The following XKR4 variants were observed in gnomAD, a reference collection of about 807,000 sequenced individuals.
XKR4 encodes XK related 4, also known as XK-related protein 4.
XKR4 carries 12 observed loss-of-function variants against 53.9 expected under a neutral mutation model. The ratio of observed to expected loss-of-function variants is 0.22; its 90% CI spans 0.14 to 0.36. The LOEUF (loss-of-function observed/expected upper bound fraction) is 0.36. XKR4 is among the 10% of genes least tolerant of loss of function. The probability of loss-of-function intolerance (pLI) is 1.00; values close to 1 mark genes in which losing one functional copy is unlikely to be tolerated. For synonymous variants in XKR4, 354 were observed against 362.4 expected, an observed-to-expected ratio of 0.98 and a Z score of 0.26; for missense variants, 799 against 859.5, an observed-to-expected ratio of 0.93 and a Z score of 0.88.
Position 55,102,331 on chromosome 8 carries a change from G to GCGGCGGCGGA in XKR4, c.-153_-144dup, listed in dbSNP as rs1007706998. On this transcript the variant is annotated 5_prime_UTR_variant, in exon 1 of 3. Coordinates refer to ENST00000327381, the MANE Select transcript of XKR4 (RefSeq NM_052898.2). This position sits in a 1 kb window ranked among gnomAD's most constrained non-coding sequence, Gnocchi z 5.1. The stretch of plus-strand genomic sequence containing the variant: ...CAGCGCCCAGCCCGGCGGGCGGCGG[G>GCGGCGGCGGA]CGGCGGCGGACGGCAGGCGAGCCGA... 6.9e-6 allele frequency: 7 copies of GCGGCGGCGGA among 1,008,320 alleles called. No individual in the cohort carries two copies. In the African/African-American group the frequency reaches 1.2e-4, roughly 18 times the overall value. 62.5% of individuals were successfully genotyped at this position (1,008,320 alleles called of 1,614,324 possible).
At chr8:55,434,110 A>G (rs1397702320) in intron 2 of XKR4, among the ~76,000 whole-genome samples, 2 of 152,202 alleles carry the variant, frequency 1.3e-5, no homozygotes, top group Non-Finnish European at 2.9e-5. Flanking sequence ...TTTATTTTTA[A>G]AAGTTTACTT....
At chr8:55,454,728 C>G in intron 2 of XKR4, 1 of 811,770 alleles carries the variant, frequency 1.2e-6, no homozygotes, top group Non-Finnish European at 2.2e-6. Context: ...CGAGGCTGTT[C>G]CTGAACACCT....
intron 2 of XKR4, among the ~76,000 whole-genome samples, chr8:55,361,912 G>C (rs1803914485): frequency 2.6e-5 from 4 of 152,108 alleles, no homozygotes; most frequent in Admixed American, 2.6e-4. Context: ...AACCTCCTCA[G>C]AGTATCCGGT....
intron 1 of XKR4, among the ~76,000 whole-genome samples, chr8:55,284,466 T>C (rs1221210292): frequency 6.6e-6 from 1 of 152,162 alleles, no homozygotes; most frequent in Non-Finnish European, 1.5e-5. Flanking sequence ...CCTTCCAAGA[T>C]GGCCCAACTC....
chr8:55,413,903 G>A (rs1168353209), intron 2 of XKR4, among the ~76,000 whole-genome samples: 4 of 152,110 alleles, frequency 2.6e-5, no homozygotes, highest in African/African-American at 7.2e-5. Context: ...CTACTTATTA[G>A]TTAACAGTCT....
chr8:55,303,633 T>G (rs975536466), intron 1 of XKR4, among the ~76,000 whole-genome samples: 1 of 152,170 alleles, frequency 6.6e-6, no homozygotes, highest in Admixed American at 6.5e-5. Context: ...GTCCTGGACT[T>G]TTTTTGGTTG....
chr8:55,500,995 G>A (rs979096107), intron 2 of XKR4, among the ~76,000 whole-genome samples: 3 of 152,174 alleles, frequency 2.0e-5, no homozygotes, highest in Non-Finnish European at 4.4e-5. Flanking sequence ...ATGCAAGATA[G>A]AGTTACTTGA....
At chr8:55,303,631 CT>C (rs1217568987) in intron 1 of XKR4, among the ~76,000 whole-genome samples, 8 of 152,076 alleles carry the variant, frequency 5.3e-5, no homozygotes, top group Non-Finnish European at 1.2e-4. Flanking sequence ...TGGTCCTGGA[CT>C]TTTTTTGGTT....
At chr8:55,504,762 T>C (rs539879844) in intron 2 of XKR4, among the ~76,000 whole-genome samples, 155 of 152,298 alleles carry the variant, frequency 1.0e-3, no homozygotes, top group Non-Finnish European at 5.4e-4. Context: ...AAATTTTTTA[T>C]TTCTTTATGA....
intron 2 of XKR4, among the ~76,000 whole-genome samples, chr8:55,462,089 G>A (rs553477538): frequency 9.1e-4 from 138 of 152,286 alleles, no homozygotes; most frequent in African/African-American, 3.3e-3. Flanking sequence ...ATCTAGCAAG[G>A]CAGGTCAACA....
At chr8:55,393,903 C>A (rs1290043213) in intron 2 of XKR4, among the ~76,000 whole-genome samples, 1 of 152,164 alleles carries the variant, frequency 6.6e-6, no homozygotes, top group Non-Finnish European at 1.5e-5. Context: ...TGCCCATGAG[C>A]CTGTCTGAGT....
intron 2 of XKR4, among the ~76,000 whole-genome samples, chr8:55,413,995 T>C (rs1167161153): frequency 1.3e-5 from 2 of 152,252 alleles, no homozygotes; most frequent in Non-Finnish European, 2.9e-5. Flanking sequence ...TGTATTCTTT[T>C]GATAATCAAA....
chr8:55,281,159 C>T (rs1160155047), intron 1 of XKR4, among the ~76,000 whole-genome samples: 5 of 152,112 alleles, frequency 3.3e-5, no homozygotes, highest in Non-Finnish European at 1.5e-5. Flanking sequence ...TAGTCTTTCC[C>T]TCTGCAGGAG....
chr8:55,451,748 C>A, intron 2 of XKR4: 1 of 1,181,798 alleles, frequency 8.5e-7, no homozygotes, highest in South Asian at 1.3e-5. Flanking sequence ...TCAGACTTGG[C>A]CCGGCTCAGG....
chr8:55,320,505 C>T (rs913548144), intron 1 of XKR4, among the ~76,000 whole-genome samples: 7 of 152,194 alleles, frequency 4.6e-5, no homozygotes, highest in African/African-American at 1.4e-4. Context: ...GAGAAAGTTT[C>T]TGCTATTAGC....
In XKR4 at chr8:55,536,636, G is replaced by C. The variant is rs539897270; in HGVS notation, c.*12409G>C. 6.6e-6 allele frequency: 1 copy of C among 152,206 alleles called. No individual in the cohort carries two copies. The highest frequency in any genetic ancestry group is 1.5e-5 in the Non-Finnish European group (1 of 68,048). The allele number at this position is 152,206 out of a possible 1,614,324, so 9.4% of individuals were successfully genotyped here. On this transcript the variant is annotated 3_prime_UTR_variant, in exon 3 of 3. Transcript: ENST00000327381. ...AAGTAATGGAATTGAACTTTCTTGC[G>C]CCGTAAGCAATTGCTGGTCATATTC...
At chr8:55,440,633 A>G (rs1037394105) in intron 2 of XKR4, among the ~76,000 whole-genome samples, 1 of 152,326 alleles carries the variant, frequency 6.6e-6, no homozygotes, top group South Asian at 2.1e-4. Flanking sequence ...ACATTAATCA[A>G]TCAAAGGGAT....
At chr8:55,225,716 A>G (rs1817943089) in intron 1 of XKR4, among the ~76,000 whole-genome samples, 1 of 152,226 alleles carries the variant, frequency 6.6e-6, no homozygotes, top group African/African-American at 2.4e-5. Context: ...TTTGAATGCA[A>G]TGAGTGGTTG....
intron 1 of XKR4, among the ~76,000 whole-genome samples, chr8:55,301,173 G>GTGTGA (rs201455262): frequency 0.25 from 31,680 of 124,984 alleles, 4,341 homozygotes; most frequent in African/African-American, 0.37. Flanking sequence ...AGACCCCGGA[G>GTGTGA]TGTGATGTTC....
Sources: gnomAD v4.1 joint callset for allele counts (sites outside exome capture counted in the v4.1 genomes callset) on GRCh38, gnomAD v4.1.1 for gene constraint, Gnocchi (gnomAD v3.1) non-coding constraint, MANE v1.5 for transcripts, NCBI Gene and HGNC (gene_info 2026-07-23, HGNC 2026-07-21) for gene names.